AGTPBP1: variants seen among roughly 807,000 people sequenced by gnomAD.
AGTPBP1 encodes cytosolic carboxypeptidase 1.
A neutral mutation model predicts 143.9 loss-of-function variants in AGTPBP1; 70 were observed. The observed-to-expected ratio is 0.49, with a 90% CI of 0.40 to 0.59. The LOEUF (loss-of-function observed/expected upper bound fraction) is 0.59, where lower values mean the gene tolerates loss of function less well. Among genes scored for constraint, AGTPBP1 ranks in the 20% least tolerant of loss-of-function variants. The pLI, the probability that AGTPBP1 is intolerant of heterozygous loss-of-function variation, is 0.00. For missense variants in AGTPBP1, 1,229 were observed against 1,464.5 expected (o/e 0.84, Z 2.62); for synonymous variants, 463 against 500.2 (o/e 0.93, Z 0.99).
At chr9:85,645,407 T>C (rs1028837475) in intron 12 of AGTPBP1, among the ~76,000 whole-genome samples, 6 of 152,090 alleles carry the variant, frequency 3.9e-5, no homozygotes, top group African/African-American at 7.2e-5. Context: ...ACAAGATAAT[T>C]AAGGGCAATA....
Position 85,741,796 on chromosome 9 carries a change from C to T in AGTPBP1, c.-55G>A. The T allele has an allele frequency of 1.5e-6, 2 of 1,358,412 alleles. No individual in the cohort carries two copies. Among genetic ancestry groups the T allele is most frequent in the Admixed American group, 3.4e-5 (1 of 29,178 alleles). 84.1% of individuals were successfully genotyped at this position (1,358,412 alleles called of 1,614,324 possible). On this transcript the variant is annotated 5_prime_UTR_variant, in exon 1 of 26. Coordinates refer to ENST00000357081, the MANE Select transcript of AGTPBP1 (RefSeq NM_001330701.2). ...TCACCGGCTCAGGATGGGGCGCTGG[C>T]GGGGACCGCGCAGAGCCGCAGCACC...
the AGTPBP1 span, among the ~76,000 whole-genome samples, chr9:85,748,174 CT>C: frequency 6.6e-6 from 1 of 152,228 alleles, no homozygotes; most frequent in Non-Finnish European, 1.5e-5. Context: ...AGTGCTCTCT[CT>C]GTCACTAAAG....
At chr9:85,785,059 G>A in the AGTPBP1 span, among the ~76,000 whole-genome samples, 1 of 152,106 alleles carries the variant, frequency 6.6e-6, no homozygotes, top group Non-Finnish European at 1.5e-5. Flanking sequence ...TGGGCCAGGT[G>A]CGGTGGCTCA....
chr9:85,609,135 A>T (rs929862665), intron 17 of AGTPBP1, among the ~76,000 whole-genome samples: 1 of 152,198 alleles, frequency 6.6e-6, no homozygotes, highest in Admixed American at 6.5e-5. Context: ...ATATACACAC[A>T]TACATAAATA....
At chr9:85,690,220 G>A (rs1481538215) in intron 3 of AGTPBP1, among the ~76,000 whole-genome samples, 4 of 152,050 alleles carry the variant, frequency 2.6e-5, no homozygotes, top group Admixed American at 1.3e-4. Flanking sequence ...TTTCTTGGTT[G>A]TTTGCATTTC....
intron 1 of AGTPBP1, among the ~76,000 whole-genome samples, chr9:85,741,058 T>A (rs980727988): frequency 6.6e-6 from 1 of 152,164 alleles, no homozygotes; most frequent in African/African-American, 2.4e-5. Flanking sequence ...AGCAAGCCTT[T>A]GGGTTACAAC....
intron 11 of AGTPBP1, among the ~76,000 whole-genome samples, chr9:85,647,260 A>T (rs1011703781): frequency 4.6e-5 from 7 of 152,122 alleles, no homozygotes; most frequent in African/African-American, 1.7e-4. Flanking sequence ...CTGGGCAACA[A>T]GAGCAAAATT....
intron 17 of AGTPBP1, among the ~76,000 whole-genome samples, chr9:85,605,412 G>C (rs1251414135): frequency 6.6e-6 from 1 of 152,004 alleles, no homozygotes; most frequent in Non-Finnish European, 1.5e-5. Flanking sequence ...CTTCAAACAT[G>C]AAGGAGAAAT....
intron 14 of AGTPBP1, among the ~76,000 whole-genome samples, chr9:85,628,379 GA>G (rs1317370048): frequency 1.3e-5 from 2 of 152,136 alleles, no homozygotes; most frequent in African/African-American, 4.8e-5. Context: ...CAAATATGAT[GA>G]AAAGTGTTCT....
At chr9:85,581,404 T>C (rs1828251368) in intron 23 of AGTPBP1, among the ~76,000 whole-genome samples, 1 of 152,230 alleles carries the variant, frequency 6.6e-6, no homozygotes, top group South Asian at 2.1e-4. Flanking sequence ...CCTACCTACA[T>C]CACAGAGCTT....
chr9:85,702,498 C>T (rs1836726715), intron 2 of AGTPBP1, among the ~76,000 whole-genome samples: 1 of 151,860 alleles, frequency 6.6e-6, no homozygotes, highest in African/African-American at 2.4e-5. Flanking sequence ...CCTGCTGACT[C>T]ACAATATCAT....
At position 85,583,125 on chromosome 9, in the gene AGTPBP1, G is replaced by A. The variant is rs535150658; in HGVS notation, c.3165+2338C>T. ...ATGCAAGGAACACAGACATGCTAGG[G>A]GTGTGGAGAACAAGGAAACAATTCT... On this transcript the variant is annotated intron_variant, in intron 23 of 25. Transcript: ENST00000357081. 6.2e-4 allele frequency among the ~76,000 whole-genome samples: 94 copies of A among 152,046 alleles called. 1 individual carries two copies. The highest frequency in any genetic ancestry group is 6.8e-3 in the Middle Eastern group (2 of 294).
In AGTPBP1 at chr9:85,587,053, C is replaced by T. The variant is rs188577703; in HGVS notation, c.2904-93G>A. Reference sequence around the variant, plus strand: ...ACCCTTATATACATATCTGATTTAACTTTATGCTTCTATTCCACTAAGCAT... The same window carrying T: ...ACCCTTATATACATATCTGATTTAATTTTATGCTTCTATTCCACTAAGCAT... On this transcript the variant is annotated intron_variant, in intron 21 of 25. Transcript: ENST00000357081. The T allele has an allele frequency of 4.1e-4, 598 of 1,466,344 alleles. 3 individuals carry two copies. In the African/African-American group the frequency reaches 7.6e-3, roughly 19 times the overall value. 90.8% of individuals were successfully genotyped at this position (1,466,344 alleles called of 1,614,324 possible). A position where few individuals can be genotyped will look rare whatever the true frequency, so the allele number is the denominator to read the frequency against.
chr9:85,569,470 TG>T (rs1241370476), intron 25 of AGTPBP1, among the ~76,000 whole-genome samples: 8 of 151,990 alleles, frequency 5.3e-5, no homozygotes, highest in Non-Finnish European at 1.2e-4. Flanking sequence ...CTGTATTGGG[TG>T]GGGGGAAGCA....
intron 25 of AGTPBP1, among the ~76,000 whole-genome samples, chr9:85,566,883 A>T (rs1393155720): frequency 6.6e-6 from 1 of 152,248 alleles, no homozygotes; most frequent in Non-Finnish European, 1.5e-5. Context: ...AATAAGGCTG[A>T]GACTTCTGCC....
chr9:85,742,109 C>T (rs1824366682), upstream of AGTPBP1: 1 of 1,010,068 alleles, frequency 9.9e-7, no homozygotes, highest in Non-Finnish European at 1.2e-6. Flanking sequence ...CCCTTGTTAC[C>T]TCCGTGCGCG....
At chr9:85,666,954 C>T (rs747903740) in intron 8 of AGTPBP1, among the ~76,000 whole-genome samples, 2 of 152,024 alleles carry the variant, frequency 1.3e-5, no homozygotes, top group African/African-American at 2.4e-5. Context: ...GGAATCATAT[C>T]ATTACAACCT....
rs536009327 is a variant in AGTPBP1 at position 85,692,636 on chromosome 9, C to T, written c.157+53G>A. 3 of 1,580,628 alleles carry T rather than the reference C, an allele frequency of 1.9e-6. No individual in the cohort carries two copies. The African/African-American group carries it at 4.1e-5, about 21-fold the overall frequency. ...GAAGTTTGAACATTTTTAGCATCCA[C>T]TTTTAAAGAATTAAAAAAGCATTTC... is the stretch of plus-strand genomic sequence containing the variant. On this transcript the variant is annotated intron_variant, in intron 3 of 25. Transcript: ENST00000357081.
chr9:85,603,686 T>C (rs1829811799), intron 17 of AGTPBP1, among the ~76,000 whole-genome samples: 3 of 151,668 alleles, frequency 2.0e-5, no homozygotes, highest in Admixed American at 2.0e-4. Flanking sequence ...GCCCCTAGGG[T>C]CCCCAATTTC....
Sources: gnomAD v4.1 joint callset for allele counts (sites outside exome capture counted in the v4.1 genomes callset) on GRCh38, gnomAD v4.1.1 for gene constraint, MANE v1.5 for transcripts, NCBI Gene and HGNC (gene_info 2026-07-23, HGNC 2026-07-21) for gene names.